The following NUDCD3 variants were observed in gnomAD, a reference collection of about 807,000 sequenced individuals.
NUDCD3 encodes the protein nudC domain-containing protein 3.
A neutral mutation model predicts 39.7 loss-of-function variants in NUDCD3; 13 were observed. That is an observed-to-expected ratio of 0.33 (90% CI 0.21 to 0.52). The LOEUF is 0.52. Ranked by LOEUF, NUDCD3 falls within the 20% of genes least tolerant of loss-of-function variation. NUDCD3 has a pLI of 0.96. For missense variants in NUDCD3, 453 were observed against 458.1 expected (o/e 0.99, Z 0.10); for synonymous variants, 175 against 172.4 (o/e 1.02, Z -0.12).
intron 2 of NUDCD3, among the ~76,000 whole-genome samples, chr7:44,435,657 C>T (rs1799450752): frequency 6.6e-6 from 1 of 152,206 alleles, no homozygotes; most frequent in African/African-American, 2.4e-5. Context: ...GAGAACATCA[C>T]TATCTTGCAC....
At chr7:44,386,403 T>C (rs1043203198) in intron 5 of NUDCD3, among the ~76,000 whole-genome samples, 3 of 152,218 alleles carry the variant, frequency 2.0e-5, no homozygotes, top group African/African-American at 4.8e-5. Flanking sequence ...TTATGGTTCA[T>C]CTTGTCCCTT....
chr7:44,404,540 A>G lies in NUDCD3; in HGVS notation c.686T>C (p.Leu229Pro), dbSNP rs1168473840. 1.2e-6 allele frequency: 2 copies of G among 1,614,058 alleles called. No individual in the cohort carries two copies. Among genetic ancestry groups the G allele is most frequent in the Admixed American group, 1.7e-5 (1 of 60,020 alleles). ...GAGGACGCGCTCCCCATTTTCCTCC[A>G]GCATGGCCACACGAATGGAGCTGCT... ...LSSSSIRVAM[L>P]EENGERVLME... The change falls in exon 4 of 6, where the codon CTG (leucine) becomes CCG (proline). Residue 229 changes from leucine to proline, a missense_variant. Physicochemically the swap from Leu to Pro is moderately conservative, Grantham distance 98. Coordinates refer to ENST00000355451, the MANE Select transcript of NUDCD3 (RefSeq NM_015332.4).
At chr7:44,482,274 A>G (rs1054873862) in intron 2 of NUDCD3, among the ~76,000 whole-genome samples, 2 of 152,172 alleles carry the variant, frequency 1.3e-5, no homozygotes, top group African/African-American at 2.4e-5. Context: ...TGACATGGAC[A>G]ATCCCTAGAG....
chr7:44,451,988 A>C (rs902460347), intron 2 of NUDCD3, among the ~76,000 whole-genome samples: 1 of 152,210 alleles, frequency 6.6e-6, no homozygotes, highest in African/African-American at 2.4e-5. Context: ...AAAAAAAAGC[A>C]CAGTCAAGAG....
intron 2 of NUDCD3, among the ~76,000 whole-genome samples, chr7:44,455,742 A>ATTT (rs1294562303): frequency 6.6e-6 from 1 of 152,178 alleles, no homozygotes; most frequent in Non-Finnish European, 1.5e-5. Flanking sequence ...CAGCCTTGAA[A>ATTT]CAAGTAAAGA....
chr7:44,402,632 G>T (rs1362392510), intron 4 of NUDCD3: 9 of 456,380 alleles, frequency 2.0e-5, no homozygotes, highest in Non-Finnish European at 3.5e-5. Flanking sequence ...CCACACACGG[G>T]GTTGCTCACC....
intron 2 of NUDCD3, chr7:44,468,349 C>CAAAAACAAA: frequency 2.7e-6 from 1 of 375,658 alleles, no homozygotes; most frequent in Non-Finnish European, 4.2e-6. Context: ...GTAAAAACTG[C>CAAAAACAAA]AAAAAAAAAA....
intron 2 of NUDCD3, among the ~76,000 whole-genome samples, chr7:44,436,122 T>G (rs1222403309): frequency 6.6e-6 from 1 of 152,210 alleles, no homozygotes; most frequent in Non-Finnish European, 1.5e-5. Context: ...AAAAATTTTT[T>G]GAGACAATCA....
Position 44,427,568 on chromosome 7 carries a change from T to C in NUDCD3, c.642+3A>G, listed in dbSNP as rs1799262062. On this transcript the variant is annotated splice_donor_region_variant and intron_variant, in intron 3 of 5. Coordinates refer to ENST00000355451, the MANE Select transcript of NUDCD3 (RefSeq NM_015332.4). ...GCCCACCCCTACCCGCCAAGGCCAT[T>C]ACCTGCTTTCCCTTCACCACGTGCT... is the stretch of plus-strand genomic sequence containing the variant. 6.2e-7 allele frequency: 1 copy of C among 1,611,900 alleles called. No homozygotes were observed. The highest frequency in any genetic ancestry group is 1.1e-5 in the South Asian group (1 of 90,780).
intron 2 of NUDCD3, among the ~76,000 whole-genome samples, chr7:44,463,280 G>A (rs538599685): frequency 4.4e-4 from 67 of 152,272 alleles, no homozygotes; most frequent in African/African-American, 1.5e-3. Flanking sequence ...TTGAACCTAA[G>A]TGGCATTGAA....
intron 2 of NUDCD3, among the ~76,000 whole-genome samples, chr7:44,456,753 T>C (rs1799910771): frequency 6.9e-6 from 1 of 144,054 alleles, no homozygotes; most frequent in Non-Finnish European, 1.6e-5. Flanking sequence ...AAGACCAATC[T>C]TAAAAAAAAA....
intron 2 of NUDCD3, among the ~76,000 whole-genome samples, chr7:44,471,245 TG>T (rs1393216034): frequency 6.6e-6 from 1 of 152,254 alleles, no homozygotes; most frequent in Non-Finnish European, 1.5e-5. Context: ...CACGTCCTCA[TG>T]TATACTTTAA....
At chr7:44,402,277 G>A (rs572602840) in intron 4 of NUDCD3, among the ~76,000 whole-genome samples, 102 of 152,318 alleles carry the variant, frequency 6.7e-4, no homozygotes, top group African/African-American at 2.3e-3. Flanking sequence ...CCCAAAGACT[G>A]TGTTCATTGA....
rs6959802 is a variant in NUDCD3 at position 44,381,890 on chromosome 7, C to G, written c.*4121G>C. ...GCCCAGCGCATACCCCCAGAGTGTT[C>G]TGGCAGACCTGTGCCAGCTGGGTTC... On this transcript the variant is annotated 3_prime_UTR_variant, in exon 6 of 6. Transcript: ENST00000355451. 0.13 allele frequency: 19,578 copies of G among 152,278 alleles called. 1,674 individuals carry two copies. Among genetic ancestry groups the G allele is most frequent in the Non-Finnish European group, 0.19 (12,991 of 68,036 alleles). The allele number at this position is 152,278 out of a possible 1,614,324, so 9.4% of individuals were successfully genotyped here.
intron 2 of NUDCD3, among the ~76,000 whole-genome samples, chr7:44,470,052 T>C (rs957171059): frequency 4.6e-5 from 7 of 152,194 alleles, no homozygotes; most frequent in Non-Finnish European, 7.3e-5. Context: ...TGGTAATCCC[T>C]CATTATAAAA....
At chr7:44,397,943 CT>C (rs1280178807) in intron 4 of NUDCD3, among the ~76,000 whole-genome samples, 1 of 152,136 alleles carries the variant, frequency 6.6e-6, no homozygotes, top group African/African-American at 2.4e-5. Flanking sequence ...CCCCTGACAT[CT>C]CCTGATTAAC....
intron 1 of NUDCD3, among the ~76,000 whole-genome samples, chr7:44,486,108 C>T (rs1455549658): frequency 6.6e-6 from 1 of 152,194 alleles, no homozygotes; most frequent in Non-Finnish European, 1.5e-5. Context: ...ACATCTTCCA[C>T]AGGGAACCAC....
At chr7:44,407,441 T>TGTA (rs1798847346) in intron 3 of NUDCD3, among the ~76,000 whole-genome samples, 1 of 151,662 alleles carries the variant, frequency 6.6e-6, no homozygotes, top group South Asian at 2.1e-4. Flanking sequence ...GTTGTATGCC[T>TGTA]GTAACCCCAG....
At chr7:44,464,468 AT>A (rs34103647) in intron 2 of NUDCD3, among the ~76,000 whole-genome samples, 112 of 146,710 alleles carry the variant, frequency 7.6e-4, no homozygotes, top group East Asian at 3.4e-3. Flanking sequence ...TAGATCAACA[AT>A]TTTTTTTTTT....
Sources: allele counts gnomAD v4.1 joint callset (sites outside exome capture counted in the v4.1 genomes callset), GRCh38; gene constraint gnomAD v4.1.1; transcripts MANE v1.5; gene names NCBI Gene and HGNC (gene_info 2026-07-23, HGNC 2026-07-21).